CCDC33: variants seen among roughly 807,000 people sequenced by gnomAD.
CCDC33 encodes coiled-coil domain containing 33.
In CCDC33, 94 loss-of-function variants were observed where a neutral mutation model predicts 91.9. That is an observed-to-expected ratio of 1.02 (90% CI 0.87 to 1.21). The LOEUF (loss-of-function observed/expected upper bound fraction) is 1.21, where lower values mean the gene tolerates loss of function less well. Among genes scored for constraint, CCDC33 ranks in the 50% most tolerant of loss-of-function variants. The pLI, the probability that CCDC33 is intolerant of heterozygous loss-of-function variation, is 0.00. For synonymous variants in CCDC33, 396 were observed against 374.5 expected (o/e 1.06, Z -0.66); for missense variants, 940 against 935.5 (o/e 1.00, Z -0.06).
chr15:74,218,719 C>T lies in CCDC33; in HGVS notation c.533C>T (p.Ala178Val), dbSNP rs1205252630. The change falls in exon 2 of 3, where the codon GCC (alanine) becomes GTC (valine). Residue 178 changes from alanine to valine, a missense_variant. Transcript: ENST00000635913. This position sits in a 1 kb window ranked among gnomAD's most constrained non-coding sequence, Gnocchi z 4.8. ...CTCCGGGCTAGCACGGACCCCACAGCCCGACACTGTGGGAGCCTGGCCTAC... is the reference window on the plus strand; with the variant it reads ...CTCCGGGCTAGCACGGACCCCACAGTCCGACACTGTGGGAGCCTGGCCTAC... 6.2e-6 allele frequency: 8 copies of T among 1,289,748 alleles called. No individual in the cohort carries two copies. The highest frequency in any genetic ancestry group is 8.1e-6 in the Non-Finnish European group (8 of 988,892). 79.9% of individuals were successfully genotyped at this position (1,289,748 alleles called of 1,614,324 possible).
chr15:74,278,567 C>A (rs1471530054), intron 7 of CCDC33, among the ~76,000 whole-genome samples: 3 of 152,250 alleles, frequency 2.0e-5, no homozygotes, highest in Non-Finnish European at 4.4e-5. Flanking sequence ...CTGGCCTTGG[C>A]AGATGCTGGG....
intron 11 of CCDC33, chr15:74,304,223 A>ATGGG (rs2059849349): frequency 6.6e-6 from 1 of 152,260 alleles, no homozygotes; most frequent in Non-Finnish European, 1.5e-5. Context: ...AGGATTAACA[A>ATGGG]GAGAATGAGG....
intron 2 of CCDC33, among the ~76,000 whole-genome samples, chr15:74,256,342 G>A (rs1020600506): frequency 3.3e-5 from 5 of 152,306 alleles, no homozygotes; most frequent in African/African-American, 7.2e-5. Context: ...AGAAGAGTCC[G>A]GTGATTTCTG....
intron 2 of CCDC33, among the ~76,000 whole-genome samples, chr15:74,210,889 T>C (rs2074357499): frequency 1.3e-5 from 2 of 152,184 alleles, no homozygotes; most frequent in African/African-American, 4.8e-5. Flanking sequence ...TGAAAAACAG[T>C]TGTGATAGCT....
At chr15:74,312,068 A>G (rs1368694741) in intron 11 of CCDC33, 1 of 152,270 alleles carries the variant, frequency 6.6e-6, no homozygotes, top group East Asian at 1.9e-4. Flanking sequence ...TCTTCACCAC[A>G]GCCCTCTCCT....
In CCDC33 at chr15:74,318,793, A is replaced by G. The variant is rs566091140; in HGVS notation, c.1291-11396A>G. 3.0e-4 allele frequency: 193 copies of G among 641,870 alleles called. 2 individuals carry two copies. In the South Asian group the frequency reaches 3.5e-3, roughly 12 times the overall value. 39.8% of individuals were successfully genotyped at this position (641,870 alleles called of 1,614,324 possible). A position where few individuals can be genotyped will look rare whatever the true frequency, so the allele number is the denominator to read the frequency against. The stretch of plus-strand genomic sequence containing the variant: ...TTAAGTGGGAGGCAGGGTGGAGAGG[A>G]CCAGGGCTTTGGCCCTTAGATGCCC... On this transcript the variant is annotated intron_variant, in intron 11 of 18. Transcript: ENST00000398814.
At chr15:74,273,041 C>A (rs547429214) in intron 7 of CCDC33, 150 bp downstream of exon 7, 3 of 1,125,752 alleles carry the variant, frequency 2.7e-6, no homozygotes, top group Non-Finnish European at 3.8e-6. Flanking sequence ...CTCGCCTGTG[C>A]GGCAGAGAAA....
intron 3 of CCDC33, among the ~76,000 whole-genome samples, chr15:74,265,746 G>A (rs948525063): frequency 2.6e-5 from 4 of 152,244 alleles, no homozygotes; most frequent in African/African-American, 4.8e-5. Flanking sequence ...TTTACCGGCC[G>A]GGTGCGGTGG....
At chr15:74,333,289 CCACT>C in intron 16 of CCDC33, 1 of 1,598,544 alleles carries the variant, frequency 6.3e-7, no homozygotes, top group South Asian at 1.1e-5. Context: ...ATGGCCCAGG[CCACT>C]CAGAGTGCAC....
chr15:74,216,416 T>C (rs2142133375), upstream of CCDC33, among the ~76,000 whole-genome samples: 1 of 150,808 alleles, frequency 6.6e-6, no homozygotes, highest in South Asian at 2.1e-4. Flanking sequence ...CACTTACAAG[T>C]CAGGCGACTA....
At chr15:74,295,983 C>T in intron 11 of CCDC33, 35 bp downstream of exon 11, 4 of 1,561,072 alleles carry the variant, frequency 2.6e-6, no homozygotes, top group Non-Finnish European at 3.5e-6. Context: ...AGGGCCGGGG[C>T]AGTGATGAGG....
intron 1 of CCDC33, chr15:74,203,248 T>C: frequency 1.0e-6 from 1 of 979,932 alleles, no homozygotes; most frequent in Non-Finnish European, 1.2e-6. Context: ...AGGAGATAAC[T>C]CACCCCCACA....
chr15:74,253,531 TC>T (rs962071238), intron 2 of CCDC33, among the ~76,000 whole-genome samples: 4 of 151,772 alleles, frequency 2.6e-5, no homozygotes, highest in Non-Finnish European at 4.4e-5. Context: ...ATCTCCTCGT[TC>T]CCCCCCTCCT....
chr15:74,291,087 G>A (rs2059575697), intron 10 of CCDC33, among the ~76,000 whole-genome samples: 1 of 152,190 alleles, frequency 6.6e-6, no homozygotes, highest in African/African-American at 2.4e-5. Context: ...ATGAATCATG[G>A]CCCCACCAAG....
At chr15:74,270,032 C>T (rs750951525) in intron 5 of CCDC33, among the ~76,000 whole-genome samples, 10 of 152,194 alleles carry the variant, frequency 6.6e-5, no homozygotes, top group Non-Finnish European at 1.2e-4. Flanking sequence ...CAGCCCCAGA[C>T]CCCAGACCCA....
At chr15:74,211,561 C>T (rs1012903422) in intron 2 of CCDC33, among the ~76,000 whole-genome samples, 3 of 152,042 alleles carry the variant, frequency 2.0e-5, no homozygotes, top group South Asian at 2.1e-4. Context: ...CCACCATGCC[C>T]GGCTGAATTT....
At chr15:74,259,453 C>A (rs1044247466) in intron 2 of CCDC33, among the ~76,000 whole-genome samples, 2 of 152,046 alleles carry the variant, frequency 1.3e-5, no homozygotes, top group African/African-American at 4.8e-5. Flanking sequence ...GCATCAAGAC[C>A]CGGAGGAGTC....
At chr15:74,328,837 T>G (rs2060365351) in intron 11 of CCDC33, among the ~76,000 whole-genome samples, 1 of 152,204 alleles carries the variant, frequency 6.6e-6, no homozygotes, top group South Asian at 2.1e-4. Context: ...CTCTGCTTCC[T>G]GGAGGTGTGA....
At chr15:74,264,640 A>G (rs1022647202) in intron 3 of CCDC33, among the ~76,000 whole-genome samples, 21 of 152,186 alleles carry the variant, frequency 1.4e-4, no homozygotes, top group Admixed American at 1.4e-3. Flanking sequence ...GGCTGGGAGC[A>G]CTGGAATCTC....
Sources: allele counts gnomAD v4.1 joint callset (sites outside exome capture counted in the v4.1 genomes callset), GRCh38; gene constraint gnomAD v4.1.1; non-coding constraint Gnocchi (gnomAD v3.1); transcripts MANE v1.5; gene names NCBI Gene and HGNC (gene_info 2026-07-23, HGNC 2026-07-21).